FAP: variants seen among roughly 807,000 people sequenced by gnomAD.
FAP encodes fibroblast activation protein alpha.
FAP carries 110 observed loss-of-function variants against 126.5 expected under a neutral mutation model. The observed-to-expected ratio is 0.87, with a 90% CI of 0.74 to 1.02. The LOEUF is 1.02. Ranked by LOEUF, FAP falls within the 50% of genes least tolerant of loss-of-function variation. FAP has a pLI of 0.00. For missense variants in FAP, 919 were observed against 909.2 expected, an observed-to-expected ratio of 1.01 and a Z score of -0.14; for synonymous variants, 334 against 297.3, an observed-to-expected ratio of 1.12 and a Z score of -1.27.
chr2:162,198,638 A>T, intron 16 of FAP, 119 bp downstream of exon 16: 1 of 1,250,282 alleles, frequency 8.0e-7, no homozygotes, highest in Non-Finnish European at 1.1e-6. Context: ...AGCACAAGAT[A>T]AGATTCTTAC....
chr2:162,189,557 C>T (rs188060360), intron 18 of FAP, 99 bp downstream of exon 18: 51 of 652,620 alleles, frequency 7.8e-5, no homozygotes, highest in African/African-American at 7.6e-5. Context: ...ATTAATAGAT[C>T]GCAGAATTTG....
intron 4 of FAP, 124 bp downstream of exon 4, chr2:162,225,359 G>A: frequency 1.6e-6 from 2 of 1,228,228 alleles, no homozygotes; most frequent in South Asian, 1.4e-5. Flanking sequence ...GAAGACTCTA[G>A]TGGAGTATGG....
intron 9 of FAP, 126 bp from the exon 10 acceptor site, chr2:162,216,127 A>G: frequency 1.6e-6 from 1 of 622,680 alleles, no homozygotes; most frequent in Non-Finnish European, 2.8e-6. Context: ...TGTGGAATAC[A>G]TTCTATTTAT....
chr2:162,174,932 G>T lies in FAP; in HGVS notation c.1904C>A (p.Ala635Glu), dbSNP rs943161205. The change falls in exon 22 of 26, where the codon GCA becomes GAA. Residue 635 changes from alanine to glutamate, a missense_variant. Coordinates refer to ENST00000188790, the MANE Select transcript of FAP (RefSeq NM_004460.5). ...YGGYVSSLAL[A>E]SGTGLFKCGI... The stretch of plus-strand genomic sequence containing the variant: ...ACATTTGAAAAGACCAGTTCCAGAT[G>T]CAAGGGCCAGTGATGAAACGTATCC... The T allele has an allele frequency of 6.2e-7, 1 of 1,612,590 alleles. No homozygotes were observed.
intron 10 of FAP, among the ~76,000 whole-genome samples, chr2:162,214,651 C>G (rs4664454): frequency 0.036 from 5,425 of 150,378 alleles, 465 homozygotes; most frequent in Admixed American, 0.21. Context: ...TGACTCTGAG[C>G]ATGAACTAGT....
rs1687278234 is a variant in FAP, at chr2:162,170,838, T to G, written c.*141A>C. The stretch of plus-strand genomic sequence containing the variant: ...AGCTTGAACTTCTGAGTCCTCATCT[T>G]TTTTTTAACAGCCTTTAGAACAACA... On this transcript the variant is annotated 3_prime_UTR_variant, in exon 26 of 26. Transcript: ENST00000188790. 1.6e-6 allele frequency: 1 copy of G among 614,518 alleles called. No homozygotes were observed. Among genetic ancestry groups the G allele is most frequent in the Middle Eastern group, 3.1e-4 (1 of 3,178 alleles). 38.1% of individuals were successfully genotyped at this position (614,518 alleles called of 1,614,324 possible).
intron 2 of FAP, among the ~76,000 whole-genome samples, chr2:162,230,509 C>T (rs1689856072): frequency 2.6e-5 from 4 of 151,566 alleles, no homozygotes; most frequent in Non-Finnish European, 4.4e-5. Context: ...AGCATGGGAG[C>T]TCAATAAATA....
intron 9 of FAP, among the ~76,000 whole-genome samples, chr2:162,216,364 T>C (rs2106270789): frequency 6.6e-6 from 1 of 152,288 alleles, no homozygotes; most frequent in African/African-American, 2.4e-5. Context: ...ATAATCTGTA[T>C]ACCAAGGAGA....
intron 2 of FAP, among the ~76,000 whole-genome samples, chr2:162,232,471 G>T (rs1317012938): frequency 6.6e-6 from 1 of 152,072 alleles, no homozygotes; most frequent in Non-Finnish European, 1.5e-5. Flanking sequence ...ACAAAAATAG[G>T]CAAGAACCAA....
intron 2 of FAP, among the ~76,000 whole-genome samples, chr2:162,238,206 A>G (rs1489020728): frequency 6.6e-6 from 1 of 152,060 alleles, no homozygotes; most frequent in Non-Finnish European, 1.5e-5. Flanking sequence ...GTTTAATTAG[A>G]TCCCATTTGT....
chr2:162,193,176 A>T (rs1194062039), intron 17 of FAP, among the ~76,000 whole-genome samples: 1 of 152,206 alleles, frequency 6.6e-6, no homozygotes, highest in Non-Finnish European at 1.5e-5. Context: ...GAGACACAGC[A>T]TCTGCTCCAA....
intron 6 of FAP, among the ~76,000 whole-genome samples, chr2:162,223,105 G>A (rs1456678637): frequency 2.0e-5 from 3 of 152,078 alleles, no homozygotes; most frequent in Non-Finnish European, 4.4e-5. Flanking sequence ...AGAACATTTA[G>A]TATTTTACAC....
chr2:162,243,278 C>T lies in FAP; in HGVS notation c.6+44G>A, dbSNP rs750861359. On this transcript the variant is annotated intron_variant, in intron 1 of 25. Transcript: ENST00000188790. ...AAAACTCTGATCACGTTCAATCCAG[C>T]CAACCCTAATTTTTTAAGAATACTT... 5.5e-6 allele frequency: 8 copies of T among 1,446,342 alleles called. No individual in the cohort carries two copies. The South Asian group carries it at 9.4e-5, about 17-fold the overall frequency. The allele number at this position is 1,446,342 out of a possible 1,614,324, so 89.6% of individuals were successfully genotyped here.
intron 2 of FAP, among the ~76,000 whole-genome samples, chr2:162,231,141 C>T (rs988301766): frequency 6.6e-6 from 1 of 152,092 alleles, no homozygotes; most frequent in African/African-American, 2.4e-5. Flanking sequence ...CTGATTCTAC[C>T]CCAGACTAGA....
chr2:162,217,956 T>G lies in FAP; in HGVS notation c.762+30A>C, dbSNP rs1163178169. The stretch of plus-strand genomic sequence containing the variant: ...ATTGCTCATTTTGATACCAGGAAAA[T>G]GAAAGCATCGCTGAAAGTATTCAAC... On this transcript the variant is annotated intron_variant, in intron 9 of 25. Coordinates refer to ENST00000188790, the MANE Select transcript of FAP (RefSeq NM_004460.5). 3 of 1,507,914 alleles carry G rather than the reference T, an allele frequency of 2.0e-6. No individual in the cohort carries two copies. The East Asian group carries it at 7.2e-5, about 36-fold the overall frequency. 93.4% of individuals were successfully genotyped at this position (1,507,914 alleles called of 1,614,324 possible).
At chr2:162,200,670 G>T in intron 14 of FAP, 51 bp from the exon 15 acceptor site, 1 of 842,190 alleles carries the variant, frequency 1.2e-6, no homozygotes, top group South Asian at 1.6e-5. Context: ...GTGATAATAG[G>T]ATTGTTAGTA....
Position 162,198,815 on chromosome 2 carries a change from G to A in FAP, c.1344C>T (p.Cys448=). 6.2e-7 allele frequency: 1 copy of A among 1,613,872 alleles called. No homozygotes were observed. Among genetic ancestry groups the A allele is most frequent in the Non-Finnish European group, 8.5e-7 (1 of 1,179,842 alleles). ...CGCTGAAACTTGCTGTGTAATATTG[G>A]CACCTTTCTTTCCTTAGATGGCAAG... is the stretch of plus-strand genomic sequence containing the variant. The part of the protein sequence containing the change: ...CVTCHLRKER[C]QYYTASFSDY... The change falls in exon 16 of 26, where the codon TGC becomes TGT. Residue 448 remains cysteine, a synonymous_variant. Transcript: ENST00000188790.
At chr2:162,179,808 ATATATTTT>A (rs1417951525) in intron 21 of FAP, among the ~76,000 whole-genome samples, 40 of 133,968 alleles carry the variant, frequency 3.0e-4, no homozygotes, top group African/African-American at 1.1e-3. Flanking sequence ...ATATATATAT[ATATATTTT>A]TTTTTTTTTT....
chr2:162,194,447 A>G (rs1688165078), intron 17 of FAP, among the ~76,000 whole-genome samples: 1 of 152,152 alleles, frequency 6.6e-6, no homozygotes, highest in Non-Finnish European at 1.5e-5. Flanking sequence ...TGGAGAAGAT[A>G]GAATTAAACC....
Sources: allele counts gnomAD v4.1 joint callset (sites outside exome capture counted in the v4.1 genomes callset), GRCh38; gene constraint gnomAD v4.1.1; transcripts MANE v1.5; gene names NCBI Gene and HGNC (gene_info 2026-07-23, HGNC 2026-07-21).